The following CYP2J2 variants were observed in gnomAD, a reference collection of about 807,000 sequenced individuals.
CYP2J2 encodes the protein cytochrome P450 2J2.
In CYP2J2, 41 loss-of-function variants were observed where a neutral mutation model predicts 48.8. That is an observed-to-expected ratio of 0.84 (90% CI 0.66 to 1.09). The LOEUF is 1.09. Ranked by LOEUF, CYP2J2 falls within the 50% of genes least tolerant of loss-of-function variation. The pLI, the probability that CYP2J2 is intolerant of heterozygous loss-of-function variation, is 0.00. For synonymous variants in CYP2J2, 221 were observed against 227.1 expected, an observed-to-expected ratio of 0.97 and a Z score of 0.24; for missense variants, 644 against 617.3, an observed-to-expected ratio of 1.04 and a Z score of -0.46.
the CYP2J2 span, among the ~76,000 whole-genome samples, chr1:59,946,335 T>A: frequency 6.6e-6 from 1 of 152,348 alleles, no homozygotes; most frequent in South Asian, 2.1e-4. Flanking sequence ...TATGTCCTTT[T>A]TCCTAATCTC....
At chr1:59,956,928 C>T in the CYP2J2 span, among the ~76,000 whole-genome samples, 1 of 151,990 alleles carries the variant, frequency 6.6e-6, no homozygotes, top group Admixed American at 6.6e-5. Context: ...ATGTAAGAGG[C>T]CCTATTACCT....
At chr1:59,969,055 G>A in the CYP2J2 span, among the ~76,000 whole-genome samples, 1 of 152,130 alleles carries the variant, frequency 6.6e-6, no homozygotes, top group African/African-American at 2.4e-5. Context: ...CTCCTGGTGG[G>A]CTCGTGGTCT....
chr1:59,919,550 T>G (rs376271273), intron 1 of CYP2J2, among the ~76,000 whole-genome samples: 51 of 152,258 alleles, frequency 3.3e-4, no homozygotes, highest in African/African-American at 1.2e-3. Flanking sequence ...TATTGTTGCC[T>G]TTACAGTCAA....
Position 59,897,637 on chromosome 1 carries a change from C to T in CYP2J2, c.1330+3328G>A, listed in dbSNP as rs143864914. ...ACAATTTTGGCAAAGTTCTTTCCAGCCCTATCTCCTAGAATCTAATGATTT... is the reference window on the plus strand; with the variant it reads ...ACAATTTTGGCAAAGTTCTTTCCAGTCCTATCTCCTAGAATCTAATGATTT... On this transcript the variant is annotated intron_variant, in intron 8 of 8. Coordinates refer to ENST00000371204, the MANE Select transcript of CYP2J2 (RefSeq NM_000775.4). Among the ~76,000 whole-genome samples the T allele has an allele frequency of 1.6e-4, 24 of 152,254 alleles. No homozygotes were observed. The East Asian group carries it at 4.1e-3, about 26-fold the overall frequency.
Position 59,893,744 on chromosome 1 carries a change from C to A in CYP2J2, c.1416G>T (p.Arg472Ser), listed in dbSNP as rs1450607335. 1.9e-6 allele frequency: 3 copies of A among 1,612,996 alleles called. No homozygotes were observed. Among genetic ancestry groups the A allele is most frequent in the Non-Finnish European group, 1.7e-6 (2 of 1,179,572 alleles). ...GGCTCAGCTTCTCATTGTTTGGGGG[C>A]CTGAAGGTAAATTTTTGCATAAGGG... ...FTSLMQKFTF[R>S]PPNNEKLSLK... is the part of the protein sequence containing the mutation. The change falls in exon 9 of 9, where the codon AGG (arginine) becomes AGT (serine). Residue 472 changes from arginine to serine, a missense_variant. Coordinates refer to ENST00000371204, the MANE Select transcript of CYP2J2 (RefSeq NM_000775.4).
the CYP2J2 span, among the ~76,000 whole-genome samples, chr1:59,948,576 A>G: frequency 6.6e-6 from 1 of 152,238 alleles, no homozygotes; most frequent in Non-Finnish European, 1.5e-5. Flanking sequence ...AGGTTTTGCC[A>G]TAATGGCAAA....
At chr1:59,946,653 T>G in the CYP2J2 span, among the ~76,000 whole-genome samples, 634 of 152,192 alleles carry the variant, frequency 4.2e-3, 8 homozygotes, top group African/African-American at 0.015. Flanking sequence ...AACTTCACAC[T>G]CTAAGAAGTA....
intron 8 of CYP2J2, among the ~76,000 whole-genome samples, chr1:59,895,215 A>C (rs371834779): frequency 6.4e-4 from 97 of 152,372 alleles, no homozygotes; most frequent in African/African-American, 2.2e-3. Context: ...CAGCCAGTAC[A>C]TGATCATGGA....
chr1:59,926,756 G>A lies in CYP2J2; in HGVS notation c.-10C>T. On this transcript the variant is annotated 5_prime_UTR_variant, in exon 1 of 9. The change creates a new upstream start codon in the 5' untranslated region. Coordinates refer to ENST00000371204, the MANE Select transcript of CYP2J2 (RefSeq NM_000775.4). ...CCATCGCCGCGAGCATGGCTCAGAC[G>A]TCCTCCTGCTCTTCTGCGGTCCAAG... 1 of 1,608,108 alleles carries A rather than the reference G, an allele frequency of 6.2e-7. No individual in the cohort carries two copies. The highest frequency in any genetic ancestry group is 8.5e-7 in the Non-Finnish European group (1 of 1,177,134).
chr1:59,898,835 T>C (rs960323579), intron 8 of CYP2J2, among the ~76,000 whole-genome samples: 4 of 152,234 alleles, frequency 2.6e-5, no homozygotes, highest in Non-Finnish European at 5.9e-5. Flanking sequence ...ATGATTAAAT[T>C]AGACAATTTT....
the CYP2J2 span, among the ~76,000 whole-genome samples, chr1:59,953,598 T>A: frequency 6.6e-6 from 1 of 152,082 alleles, no homozygotes; most frequent in South Asian, 2.1e-4. Flanking sequence ...CAAGAAGATG[T>A]GAGCAGTAAC....
intron 7 of CYP2J2, 95 bp downstream of exon 7, chr1:59,904,776 C>T: frequency 1.9e-6 from 2 of 1,055,770 alleles, no homozygotes; most frequent in Non-Finnish European, 1.4e-6. Context: ...CTTTTTCTTC[C>T]ATTTAAATGA....
chr1:59,961,904 T>C, the CYP2J2 span, among the ~76,000 whole-genome samples: 6 of 152,122 alleles, frequency 3.9e-5, no homozygotes, highest in Non-Finnish European at 8.8e-5. Context: ...AAAGGCCACA[T>C]ATAGTATGAT....
In CYP2J2 at chr1:59,900,971, A is replaced by T. The variant is rs1413454007; in HGVS notation, c.1324T>A (p.Ser442Thr). 2 of 1,613,780 alleles carry T rather than the reference A, an allele frequency of 1.2e-6. No homozygotes were observed. Among genetic ancestry groups the T allele is most frequent in the Non-Finnish European group, 1.7e-6 (2 of 1,179,796 alleles). Residue 442 changes from serine (S) to threonine (T), a missense_variant, in exon 8 of 9, where the codon TCA becomes ACA. Ser to Thr is a moderately conservative substitution (Grantham distance 58). Coordinates refer to ENST00000371204, the MANE Select transcript of CYP2J2 (RefSeq NM_000775.4). The part of the protein sequence containing the change: ...FKKREAFMPF[S>T]IGKRACLGEQ... Reference sequence around the variant, plus strand: ...CCTGTTTACTACAACTTACCTATTGAGAAAGGCATAAAGGCTTCCCTTTTC... The same window carrying T: ...CCTGTTTACTACAACTTACCTATTGTGAAAGGCATAAAGGCTTCCCTTTTC...
At chr1:59,902,580 T>C (rs1225140301) in intron 7 of CYP2J2, among the ~76,000 whole-genome samples, 2 of 151,996 alleles carry the variant, frequency 1.3e-5, no homozygotes, top group African/African-American at 4.8e-5. Context: ...CACGCCTGGC[T>C]AGTTTTTATA....
the CYP2J2 span, among the ~76,000 whole-genome samples, chr1:59,954,677 ATATAT>A: frequency 4.6e-5 from 7 of 152,080 alleles, no homozygotes; most frequent in Admixed American, 4.6e-4. Flanking sequence ...AATATTTTAA[ATATAT>A]TATAGGATCA....
In CYP2J2 at chr1:59,904,996, G is replaced by A. The variant is rs201789916; in HGVS notation, c.1066C>T (p.Arg356Trp). Reference protein sequence around the residue: ...GQGQQPSTAARESMPYTNAVI... With the variant: ...GQGQQPSTAAWESMPYTNAVI... ...GCATTGGTGTAGGGCATGGACTCCC[G>A]GGCGGCTGTGCTCGGCTGCTGCCCC... is the stretch of plus-strand genomic sequence containing the variant. The change falls in exon 7 of 9, where the codon CGG becomes TGG. Residue 356 changes from arginine to tryptophan, a missense_variant. Physicochemically the swap from Arg to Trp is moderately radical, Grantham distance 101. Transcript: ENST00000371204. The A allele has an allele frequency of 2.2e-5, 35 of 1,613,776 alleles. No homozygotes were observed. Among genetic ancestry groups the A allele is most frequent in the African/African-American group, 5.3e-5 (4 of 74,874 alleles).
chr1:59,925,303 T>C (rs890760783), intron 1 of CYP2J2, among the ~76,000 whole-genome samples: 1 of 152,162 alleles, frequency 6.6e-6, no homozygotes, highest in African/African-American at 2.4e-5. Flanking sequence ...TAAAATCAAA[T>C]TGATATTGAT....
At chr1:59,942,339 G>A in the CYP2J2 span, among the ~76,000 whole-genome samples, 3 of 152,062 alleles carry the variant, frequency 2.0e-5, no homozygotes, top group African/African-American at 7.2e-5. Flanking sequence ...AGGGGAGGGG[G>A]AAGCATTCCA....
Sources: gnomAD v4.1 joint callset for allele counts (sites outside exome capture counted in the v4.1 genomes callset) on GRCh38, gnomAD v4.1.1 for gene constraint, MANE v1.5 for transcripts, NCBI Gene and HGNC (gene_info 2026-07-23, HGNC 2026-07-21) for gene names.